BBS9: variants seen among roughly 807,000 people sequenced by gnomAD.
The protein encoded by BBS9 is Bardet-Biedl syndrome 9, also known as protein PTHB1.
In BBS9, 89 loss-of-function variants were observed where a neutral mutation model predicts 117.7. That is an observed-to-expected ratio of 0.76 (90% CI 0.64 to 0.90). BBS9 has a LOEUF of 0.90. Among genes scored for constraint, BBS9 ranks in the 40% least tolerant of loss-of-function variants. The probability of loss-of-function intolerance (pLI) is 0.00; values close to 1 mark genes in which losing one functional copy is unlikely to be tolerated. For synonymous variants in BBS9, 379 were observed against 370.9 expected (o/e 1.02, Z -0.25); for missense variants, 982 against 1,042.2 (o/e 0.94, Z 0.80).
At chr7:33,272,253 C>T (rs564659128) in intron 7 of BBS9, among the ~76,000 whole-genome samples, 2 of 152,126 alleles carry the variant, frequency 1.3e-5, no homozygotes, top group South Asian at 2.1e-4. Context: ...TCACATACTA[C>T]GCTTAATACC....
intron 6 of BBS9, among the ~76,000 whole-genome samples, chr7:33,263,612 A>G (rs1798326538): frequency 6.6e-6 from 1 of 152,200 alleles, no homozygotes. Flanking sequence ...AATGTCGATT[A>G]CTGAGAACTC....
At chr7:33,472,753 A>G (rs1156505587) in intron 19 of BBS9, among the ~76,000 whole-genome samples, 1 of 152,220 alleles carries the variant, frequency 6.6e-6, no homozygotes, top group Admixed American at 6.5e-5. Context: ...GGATCCTAAC[A>G]TACGGTAGCA....
At chr7:33,427,458 T>C (rs1364685782) in intron 19 of BBS9, among the ~76,000 whole-genome samples, 10 of 152,192 alleles carry the variant, frequency 6.6e-5, no homozygotes, top group Admixed American at 5.9e-4. Context: ...GCAATGTTGC[T>C]CCTTTGAGCC....
chr7:33,490,058 C>A (rs1473665448), intron 19 of BBS9, among the ~76,000 whole-genome samples: 1 of 152,124 alleles, frequency 6.6e-6, no homozygotes, highest in Non-Finnish European at 1.5e-5. Flanking sequence ...TGAACTGTGA[C>A]ACCTGTTTAA....
chr7:33,534,708 C>T (rs1395475684), intron 21 of BBS9, among the ~76,000 whole-genome samples: 1 of 152,098 alleles, frequency 6.6e-6, no homozygotes, highest in Admixed American at 6.5e-5. Flanking sequence ...TTCCACTTGC[C>T]CCTCCATGGG....
intron 7 of BBS9, 90 bp from the exon 8 acceptor site, chr7:33,272,922 G>A (rs936668935): frequency 3.1e-6 from 4 of 1,289,430 alleles, no homozygotes; most frequent in Non-Finnish European, 4.5e-6. Context: ...CTGCTTTGTT[G>A]TAAAGCAATT....
At chr7:33,609,242 G>T (rs1736896867), downstream of BBS9, among the ~76,000 whole-genome samples, 1 of 151,976 alleles carries the variant, frequency 6.6e-6, no homozygotes, top group African/African-American at 2.4e-5. Context: ...TCATTAGCCA[G>T]TTTATCATCA....
At chr7:33,485,044 C>G (rs1046621187) in intron 19 of BBS9, among the ~76,000 whole-genome samples, 1 of 152,146 alleles carries the variant, frequency 6.6e-6, no homozygotes, top group Admixed American at 6.5e-5. Flanking sequence ...AATGCAAGAA[C>G]AGAAAACCAA....
chr7:33,397,700 A>G (rs1828223009), intron 19 of BBS9, among the ~76,000 whole-genome samples: 2 of 152,200 alleles, frequency 1.3e-5, no homozygotes, highest in Non-Finnish European at 2.9e-5. Context: ...CATTATTCTC[A>G]GCAAACTAAT....
intron 15 of BBS9, among the ~76,000 whole-genome samples, chr7:33,357,212 A>T (rs1383829736): frequency 6.6e-6 from 1 of 151,808 alleles, no homozygotes; most frequent in Admixed American, 6.6e-5. Flanking sequence ...GACTGTCTAA[A>T]TGTCTAAAAT....
At chr7:33,387,882 A>G (rs1826310251) in intron 18 of BBS9, 110 bp from the exon 19 acceptor site, 3 of 1,255,528 alleles carry the variant, frequency 2.4e-6, no homozygotes, top group East Asian at 4.7e-5. Context: ...TCTATAATGC[A>G]TTTAAATTTC....
chr7:33,386,341 T>C (rs899471832), intron 18 of BBS9, among the ~76,000 whole-genome samples: 4 of 152,072 alleles, frequency 2.6e-5, no homozygotes, highest in Admixed American at 6.5e-5. Flanking sequence ...GCATTTTGAA[T>C]ATGATGTTTA....
chr7:33,212,745 G>C (rs962971551), intron 5 of BBS9, among the ~76,000 whole-genome samples: 1 of 152,110 alleles, frequency 6.6e-6, no homozygotes, highest in African/African-American at 2.4e-5. Flanking sequence ...ATATCGCTGT[G>C]GTTTCTGCAG....
intron 9 of BBS9, among the ~76,000 whole-genome samples, chr7:33,306,459 A>G (rs867812725): frequency 8.5e-5 from 13 of 152,234 alleles, no homozygotes; most frequent in East Asian, 3.9e-4. Flanking sequence ...GGAAAATATG[A>G]AACTTTATGA....
intron 19 of BBS9, among the ~76,000 whole-genome samples, chr7:33,492,811 A>AGTGTGT (rs57870306): frequency 0.029 from 3,845 of 131,596 alleles, 84 homozygotes; most frequent in East Asian, 0.059. Context: ...TATAGGAGTG[A>AGTGTGT]GTGTGTGTGT....
chr7:33,194,441 C>CAT (rs980768951), intron 5 of BBS9, among the ~76,000 whole-genome samples: 2 of 151,502 alleles, frequency 1.3e-5, no homozygotes, highest in Admixed American at 1.3e-4. Flanking sequence ...TCTTTGGTTT[C>CAT]ATTGCCATTG....
chr7:33,199,124 C>T (rs1276987164), intron 5 of BBS9, among the ~76,000 whole-genome samples: 6 of 151,890 alleles, frequency 4.0e-5, no homozygotes, highest in African/African-American at 9.7e-5. Flanking sequence ...GCGACAAATT[C>T]TTTTTAAACT....
chr7:33,289,332 G>A (rs1183045263), intron 9 of BBS9, among the ~76,000 whole-genome samples: 4 of 152,108 alleles, frequency 2.6e-5, no homozygotes, highest in Non-Finnish European at 5.9e-5. Flanking sequence ...GAAAACTAAT[G>A]ATGCAGCCAA....
At chr7:33,620,161 C>T (rs1865334042) in intron 21 of BBS9, among the ~76,000 whole-genome samples, 1 of 151,778 alleles carries the variant, frequency 6.6e-6, no homozygotes. Flanking sequence ...ACAACCTCTA[C>T]CACAGAAATC....
Sources: allele counts gnomAD v4.1 joint callset (sites outside exome capture counted in the v4.1 genomes callset), GRCh38; gene constraint gnomAD v4.1.1; transcripts MANE v1.5; gene names NCBI Gene and HGNC (gene_info 2026-07-23, HGNC 2026-07-21).